Variants in ZNF469 observed in about 807,000 individuals in gnomAD.
ZNF469 encodes zinc finger protein 469.
ZNF469 carries 1 observed loss-of-function variant against 1.0 expected under a neutral mutation model. That is an observed-to-expected ratio of 1.00 (90% CI 0.35 to 4.73). ZNF469 has a LOEUF of 4.73. ZNF469 is among the 30% of genes most tolerant of loss of function. The pLI is 0.16. For missense variants in ZNF469, 6,100 were observed against 5,356.3 expected, an observed-to-expected ratio of 1.14 and a Z score of -4.33; for synonymous variants, 2,703 against 2,363.4, an observed-to-expected ratio of 1.14 and a Z score of -4.17.
intron 1 of ZNF469, among the ~76,000 whole-genome samples, chr16:88,390,273 G>C (rs907715369): frequency 6.6e-6 from 1 of 152,128 alleles, no homozygotes; most frequent in African/African-American, 2.4e-5. Context: ...ACCTTCCCCA[G>C]TTCTGGATAC....
At chr16:88,209,704 G>A in the ZNF469 span, among the ~76,000 whole-genome samples, 1 of 152,096 alleles carries the variant, frequency 6.6e-6, no homozygotes, top group Non-Finnish European at 1.5e-5. Flanking sequence ...AACATATCGT[G>A]GAAATGACTC....
chr16:88,214,224 A>C, the ZNF469 span, among the ~76,000 whole-genome samples: 2 of 152,196 alleles, frequency 1.3e-5, no homozygotes, highest in African/African-American at 4.8e-5. Flanking sequence ...GGATTCACTG[A>C]TAGCCTCTTG....
chr16:88,303,394 G>A, the ZNF469 span, among the ~76,000 whole-genome samples: 1 of 152,178 alleles, frequency 6.6e-6, no homozygotes, highest in African/African-American at 2.4e-5. Flanking sequence ...CTTTCCAGTG[G>A]GCCTTTCCAG....
At chr16:88,241,446 C>A in the ZNF469 span, among the ~76,000 whole-genome samples, 1 of 151,962 alleles carries the variant, frequency 6.6e-6, no homozygotes, top group Non-Finnish European at 1.5e-5. This position sits in a 1 kb window ranked among gnomAD's most constrained non-coding sequence, Gnocchi z 4.8. Flanking sequence ...GACTTGGTGG[C>A]AGCTCTGTTG....
chr16:88,163,514 AT>A, the ZNF469 span, among the ~76,000 whole-genome samples: 1 of 148,834 alleles, frequency 6.7e-6, no homozygotes, highest in East Asian at 2.0e-4. Flanking sequence ...GGATGGATGG[AT>A]GGATGGATGG....
chr16:88,216,879 GTTT>G, the ZNF469 span, among the ~76,000 whole-genome samples: 3 of 151,270 alleles, frequency 2.0e-5, no homozygotes, highest in Admixed American at 6.6e-5. Flanking sequence ...CTGTTTTCCA[GTTT>G]ACCAAGTCTG....
At chr16:88,284,640 C>T in the ZNF469 span, among the ~76,000 whole-genome samples, 1 of 151,270 alleles carries the variant, frequency 6.6e-6, no homozygotes, top group African/African-American at 2.4e-5. Flanking sequence ...AGAACAGGCT[C>T]CTGTAAAAAC....
At chr16:88,377,747 TC>T in the ZNF469 span, among the ~76,000 whole-genome samples, 2 of 151,744 alleles carry the variant, frequency 1.3e-5, no homozygotes. Flanking sequence ...CCAGCTGGCA[TC>T]CTGTACCCAC....
At chr16:88,148,590 G>C in the ZNF469 span, among the ~76,000 whole-genome samples, 3 of 152,148 alleles carry the variant, frequency 2.0e-5, no homozygotes, top group Non-Finnish European at 4.4e-5. Context: ...CTTTCTCCAG[G>C]GTCCCTGAGC....
the ZNF469 span, among the ~76,000 whole-genome samples, chr16:88,150,331 A>C: frequency 6.6e-6 from 1 of 152,204 alleles, no homozygotes; most frequent in Non-Finnish European, 1.5e-5. Flanking sequence ...AAAAAAACCA[A>C]ACAAATAAAC....
At chr16:88,213,280 T>C in the ZNF469 span, among the ~76,000 whole-genome samples, 3 of 152,046 alleles carry the variant, frequency 2.0e-5, no homozygotes, top group South Asian at 4.1e-4. Flanking sequence ...TTTGTATTTT[T>C]AGTAGAGACA....
chr16:88,268,620 A>T, the ZNF469 span, among the ~76,000 whole-genome samples: 2,521 of 152,226 alleles, frequency 0.017, 83 homozygotes, highest in African/African-American at 0.058. Context: ...GGTGCCTCAT[A>T]TCCCCGTGGG....
the ZNF469 span, among the ~76,000 whole-genome samples, chr16:88,225,331 C>T: frequency 6.6e-6 from 1 of 152,174 alleles, no homozygotes; most frequent in African/African-American, 2.4e-5. Context: ...ATTCAGAGTC[C>T]CTGAGGTTTA....
At chr16:88,231,119 C>A in the ZNF469 span, among the ~76,000 whole-genome samples, 18 of 152,304 alleles carry the variant, frequency 1.2e-4, no homozygotes, top group African/African-American at 3.8e-4. This position sits in a 1 kb window ranked among gnomAD's most constrained non-coding sequence, Gnocchi z 4.5. Context: ...TCCTGGTGGT[C>A]ATGCCAGTTG....
intron 1 of ZNF469, among the ~76,000 whole-genome samples, chr16:88,412,718 G>A (rs555229736): frequency 6.6e-5 from 10 of 152,304 alleles, no homozygotes; most frequent in Admixed American, 6.5e-4. Flanking sequence ...GGGGGACCTC[G>A]TCAGGGCGGG....
the ZNF469 span, among the ~76,000 whole-genome samples, chr16:88,172,690 A>C: frequency 1.3e-5 from 2 of 152,236 alleles, no homozygotes; most frequent in African/African-American, 4.8e-5. Flanking sequence ...AAGGATGCTA[A>C]ACAGCTATTA....
chr16:88,277,441 A>G, the ZNF469 span, among the ~76,000 whole-genome samples: 4 of 99,306 alleles, frequency 4.0e-5, no homozygotes, highest in Admixed American at 1.0e-4. Context: ...GCTGCACCAC[A>G]CTGACGCTTG....
the ZNF469 span, among the ~76,000 whole-genome samples, chr16:88,340,996 C>T: frequency 6.6e-6 from 1 of 152,088 alleles, no homozygotes; most frequent in African/African-American, 2.4e-5. Context: ...TCCAGGCTGG[C>T]GTCTGGCTGG....
chr16:88,155,124 T>A, the ZNF469 span, among the ~76,000 whole-genome samples: 8 of 152,258 alleles, frequency 5.3e-5, no homozygotes, highest in African/African-American at 1.7e-4. Flanking sequence ...AGGGCTAGGC[T>A]GGCACAGGTG....
Sources: gnomAD v4.1 joint callset for allele counts (sites outside exome capture counted in the v4.1 genomes callset) on GRCh38, gnomAD v4.1.1 for gene constraint, Gnocchi (gnomAD v3.1) non-coding constraint, MANE v1.5 for transcripts, NCBI Gene and HGNC (gene_info 2026-07-23, HGNC 2026-07-21) for gene names.